Variants in DNAJC5B observed in about 807,000 individuals in gnomAD.
DNAJC5B encodes the protein DnaJ heat shock protein family (Hsp40) member C5 beta.
Under a neutral mutation model 24.7 loss-of-function variants are expected in DNAJC5B, and 23 were observed. The observed-to-expected ratio is 0.93, with a 90% CI of 0.67 to 1.32. The LOEUF (loss-of-function observed/expected upper bound fraction) is 1.32. Among genes scored for constraint, DNAJC5B ranks in the 40% most tolerant of loss-of-function variants. The pLI is 0.00. For synonymous variants in DNAJC5B, 101 were observed against 90.1 expected (o/e 1.12, Z -0.68); for missense variants, 238 against 240.8 (o/e 0.99, Z 0.08).
intron 5 of DNAJC5B, among the ~76,000 whole-genome samples, chr8:66,081,921 C>A (rs1807604211): frequency 6.6e-6 from 1 of 152,036 alleles, no homozygotes; most frequent in African/African-American, 2.4e-5. Flanking sequence ...ACAAATTAAT[C>A]TTTTAATGGG....
At chr8:66,041,672 A>G (rs1222803616) in intron 1 of DNAJC5B, among the ~76,000 whole-genome samples, 1 of 152,242 alleles carries the variant, frequency 6.6e-6, no homozygotes, top group Non-Finnish European at 1.5e-5. Context: ...TGCTTTTACA[A>G]TACATTTAGT....
chr8:66,096,218 G>A (rs1807949664), intron 5 of DNAJC5B, among the ~76,000 whole-genome samples: 2 of 152,060 alleles, frequency 1.3e-5, no homozygotes, highest in African/African-American at 4.8e-5. Flanking sequence ...TGTTTCCTCT[G>A]TGTCCAAATC....
chr8:66,070,522 G>A (rs984506042), intron 3 of DNAJC5B, among the ~76,000 whole-genome samples: 2 of 152,152 alleles, frequency 1.3e-5, no homozygotes, highest in African/African-American at 2.4e-5. Context: ...TCTTCAAGGA[G>A]AACTACAAAC....
At chr8:66,034,119 T>C (rs775107972) in intron 1 of DNAJC5B, among the ~76,000 whole-genome samples, 11 of 152,040 alleles carry the variant, frequency 7.2e-5, no homozygotes, top group Non-Finnish European at 1.6e-4. Flanking sequence ...GTGGGTCAAA[T>C]GACCCTATGT....
chr8:66,074,105 A>G (rs974273276), intron 3 of DNAJC5B, among the ~76,000 whole-genome samples: 11 of 152,374 alleles, frequency 7.2e-5, no homozygotes, highest in African/African-American at 2.6e-4. Context: ...AAACCAAAGT[A>G]AAAATTTGTA....
At position 66,040,194 on chromosome 8, in the gene DNAJC5B, A is replaced by G. The variant is rs1387922386; in HGVS notation, c.-141-3294A>G. ...ATCATGAGGTCAGGAGATCGAGACC[A>G]TCCTGGCCAACATGGTGAAACCCCG... On this transcript the variant is annotated intron_variant, in intron 1 of 5. Transcript: ENST00000276570. Among the ~76,000 whole-genome samples, 4 of 152,288 alleles carry G rather than the reference A, an allele frequency of 2.6e-5. No homozygotes were observed. The East Asian group carries it at 7.7e-4, about 29-fold the overall frequency.
At chr8:66,020,876 G>A (rs1202218271), upstream of DNAJC5B, among the ~76,000 whole-genome samples, 1 of 152,112 alleles carries the variant, frequency 6.6e-6, no homozygotes, top group East Asian at 1.9e-4. Flanking sequence ...GGGCTCAAGT[G>A]ATCCTCCCAC....
At chr8:66,027,174 C>A (rs1806263791) in intron 1 of DNAJC5B, among the ~76,000 whole-genome samples, 1 of 152,128 alleles carries the variant, frequency 6.6e-6, no homozygotes, top group Admixed American at 6.5e-5. Flanking sequence ...GAGCAGGGAT[C>A]CATATTAAAT....
At chr8:66,066,617 A>G (rs928031112) in intron 3 of DNAJC5B, among the ~76,000 whole-genome samples, 1 of 152,176 alleles carries the variant, frequency 6.6e-6, no homozygotes, top group African/African-American at 2.4e-5. Flanking sequence ...TTCTAAATAG[A>G]TAACTCAGGA....
At chr8:66,059,340 T>A (rs1445238014) in intron 3 of DNAJC5B, among the ~76,000 whole-genome samples, 1 of 152,246 alleles carries the variant, frequency 6.6e-6, no homozygotes, top group Non-Finnish European at 1.5e-5. Context: ...GTTAATCTTT[T>A]AAATTCAGAT....
chr8:66,063,400 A>T (rs1807125061), intron 3 of DNAJC5B, among the ~76,000 whole-genome samples: 1 of 152,240 alleles, frequency 6.6e-6, no homozygotes. Context: ...AGGGGAATGC[A>T]TAGTTAATAG....
intron 3 of DNAJC5B, among the ~76,000 whole-genome samples, chr8:66,069,257 C>A (rs1024468135): frequency 6.6e-6 from 1 of 151,712 alleles, no homozygotes; most frequent in Non-Finnish European, 1.5e-5. Context: ...AGACCAAATG[C>A]TTCAATTAAA....
At chr8:66,087,437 T>C (rs1807751673) in intron 5 of DNAJC5B, among the ~76,000 whole-genome samples, 1 of 152,138 alleles carries the variant, frequency 6.6e-6, no homozygotes, top group Admixed American at 6.5e-5. Context: ...CCAAACCTCA[T>C]GTCCTTTTCA....
intron 5 of DNAJC5B, among the ~76,000 whole-genome samples, chr8:66,094,621 AT>A (rs978113575): frequency 2.6e-5 from 4 of 151,306 alleles, no homozygotes; most frequent in South Asian, 2.1e-4. Context: ...ATCATTTTTT[AT>A]TTTTTTTAAA....
At chr8:66,032,833 T>C (rs1312411332) in intron 1 of DNAJC5B, among the ~76,000 whole-genome samples, 2 of 152,230 alleles carry the variant, frequency 1.3e-5, no homozygotes, top group East Asian at 1.9e-4. Context: ...GCAAAAACAC[T>C]GTCTAGTTCT....
At chr8:66,052,167 A>C (rs1806863752) in intron 3 of DNAJC5B, among the ~76,000 whole-genome samples, 1 of 148,724 alleles carries the variant, frequency 6.7e-6, no homozygotes, top group Non-Finnish European at 1.5e-5. Flanking sequence ...CATGTTGGCC[A>C]GGCTGGTCTC....
At position 66,076,831 on chromosome 8, in the gene DNAJC5B, A is replaced by G; in HGVS notation, c.291A>G (p.Glu97=). The change falls in exon 4 of 6, where the codon GAA becomes GAG. Residue 97 remains glutamate (E), a synonymous_variant. Coordinates refer to ENST00000276570, the MANE Select transcript of DNAJC5B (RefSeq NM_033105.6). ...GLYVAEQFGD[E]NVNTYFMLSS... ...ACGTGGCCGAGCAGTTTGGAGACGA[A>G]AACGTTAACACCTACTTCATGCTGT... 2 of 1,614,164 alleles carry G rather than the reference A, an allele frequency of 1.2e-6. No homozygotes were observed. The highest frequency in any genetic ancestry group is 1.7e-6 in the Non-Finnish European group (2 of 1,180,014).
At chr8:66,024,194 T>C (rs886589418) in intron 1 of DNAJC5B, among the ~76,000 whole-genome samples, 3 of 152,186 alleles carry the variant, frequency 2.0e-5, no homozygotes, top group African/African-American at 7.2e-5. Flanking sequence ...AAGATAATTA[T>C]GAAGCAATTA....
intron 4 of DNAJC5B, among the ~76,000 whole-genome samples, chr8:66,077,377 C>T (rs1807491093): frequency 1.3e-5 from 2 of 152,006 alleles, no homozygotes; most frequent in Admixed American, 1.3e-4. Flanking sequence ...TAGTGGAGGA[C>T]AGGGAATTGG....
Sources: gnomAD v4.1 joint callset for allele counts (sites outside exome capture counted in the v4.1 genomes callset) on GRCh38, gnomAD v4.1.1 for gene constraint, MANE v1.5 for transcripts, NCBI Gene and HGNC (gene_info 2026-07-23, HGNC 2026-07-21) for gene names.